Variants in AGBL1 observed in about 807,000 individuals in gnomAD.
AGBL1 encodes cytosolic carboxypeptidase 4.
Under a neutral mutation model 118.9 loss-of-function variants are expected in AGBL1, and 130 were observed. That is an observed-to-expected ratio of 1.09 (90% CI 0.95 to 1.26). AGBL1 has a LOEUF of 1.26. Ranked by LOEUF, AGBL1 falls within the 50% of genes most tolerant of loss-of-function variation. The pLI is 0.00. For missense variants in AGBL1, 1,584 were observed against 1,298.1 expected (o/e 1.22, Z -3.38); for synonymous variants, 555 against 478.9 (o/e 1.16, Z -2.08).
intron 3 of AGBL1, among the ~76,000 whole-genome samples, chr15:86,144,826 A>G (rs770336052): frequency 2.6e-5 from 4 of 152,238 alleles, no homozygotes; most frequent in Non-Finnish European, 5.9e-5. Context: ...AAAAGTTAAA[A>G]AAATAAAGTC....
chr15:86,606,478 T>C (rs1424621531), intron 21 of AGBL1, among the ~76,000 whole-genome samples: 1 of 152,178 alleles, frequency 6.6e-6, no homozygotes, highest in Non-Finnish European at 1.5e-5. Context: ...TCTGACATTA[T>C]TGGACACCTG....
chr15:86,902,772 C>G (rs372651997), intron 22 of AGBL1, among the ~76,000 whole-genome samples: 3 of 152,094 alleles, frequency 2.0e-5, no homozygotes, highest in East Asian at 3.9e-4. Context: ...ACTTTGCTGC[C>G]ATTCTAATTG....
At chr15:86,988,128 G>A (rs1013718875) in intron 24 of AGBL1, 40 of 1,599,932 alleles carry the variant, frequency 2.5e-5, no homozygotes, top group Non-Finnish European at 3.1e-5. Flanking sequence ...TGCTTGGGGC[G>A]GGGATTGCTG....
intron 17 of AGBL1, among the ~76,000 whole-genome samples, chr15:86,396,054 A>G (rs757024105): frequency 2.0e-5 from 3 of 151,314 alleles, no homozygotes; most frequent in Admixed American, 6.6e-5. Flanking sequence ...CATGTTGCTG[A>G]AAATGACAGA....
intron 17 of AGBL1, among the ~76,000 whole-genome samples, chr15:86,380,610 T>C (rs948108958): frequency 1.3e-5 from 2 of 151,416 alleles, no homozygotes; most frequent in Non-Finnish European, 2.9e-5. Flanking sequence ...TCCGTCTGTG[T>C]CATTCTCTCT....
chr15:86,528,401 T>G (rs1249926356), intron 19 of AGBL1, among the ~76,000 whole-genome samples: 8 of 152,264 alleles, frequency 5.3e-5, no homozygotes, highest in Non-Finnish European at 7.4e-5. Flanking sequence ...TTTTCAGACC[T>G]GCTTAAAAAA....
At chr15:86,469,424 A>G (rs1647885445) in intron 18 of AGBL1, among the ~76,000 whole-genome samples, 1 of 152,284 alleles carries the variant, frequency 6.6e-6, no homozygotes, top group Admixed American at 6.5e-5. Flanking sequence ...TTTTCTAAGG[A>G]TGAGTACTAT....
At chr15:86,467,495 G>A (rs1236161501) in intron 18 of AGBL1, among the ~76,000 whole-genome samples, 10 of 152,158 alleles carry the variant, frequency 6.6e-5, no homozygotes, top group Non-Finnish European at 1.3e-4. Flanking sequence ...CTCTCTCGCT[G>A]GCATTCCAGG....
At chr15:86,656,824 A>C (rs1346963700) in intron 21 of AGBL1, among the ~76,000 whole-genome samples, 1 of 152,126 alleles carries the variant, frequency 6.6e-6, no homozygotes. Context: ...TAACATGAGA[A>C]GGGTCTGTTC....
At chr15:86,560,797 A>G (rs1043456415) in intron 21 of AGBL1, among the ~76,000 whole-genome samples, 2 of 152,138 alleles carry the variant, frequency 1.3e-5, no homozygotes, top group Non-Finnish European at 2.9e-5. Flanking sequence ...CCTCTCCAGC[A>G]CCTGTTGTTT....
intron 22 of AGBL1, among the ~76,000 whole-genome samples, chr15:86,787,432 C>T (rs1218762329): frequency 6.6e-6 from 1 of 152,148 alleles, no homozygotes; most frequent in African/African-American, 2.4e-5. Context: ...TTTTCCTCCC[C>T]TCCCCTACCC....
chr15:86,477,309 G>C (rs1417080240), intron 18 of AGBL1, among the ~76,000 whole-genome samples: 1 of 151,594 alleles, frequency 6.6e-6, no homozygotes, highest in African/African-American at 2.4e-5. Flanking sequence ...TTTTTTGAAA[G>C]ATCAACAAAA....
At chr15:86,896,185 A>G (rs950838037) in intron 22 of AGBL1, among the ~76,000 whole-genome samples, 5 of 152,032 alleles carry the variant, frequency 3.3e-5, no homozygotes, top group Non-Finnish European at 7.4e-5. Flanking sequence ...TAATTTATTA[A>G]TTATTTCAAA....
At chr15:86,786,076 G>T (rs1201506493) in intron 22 of AGBL1, among the ~76,000 whole-genome samples, 2 of 152,038 alleles carry the variant, frequency 1.3e-5, no homozygotes, top group African/African-American at 4.8e-5. Flanking sequence ...TGGTTTTCTG[G>T]ATTTTTTTTG....
rs201640741 is a variant in AGBL1 at position 86,307,474 on chromosome 15, AT to A, written c.2374+12072del. Among the ~76,000 whole-genome samples, 4 of 152,050 alleles carry A rather than the reference AT, an allele frequency of 2.6e-5. No homozygotes were observed. The East Asian group carries it at 7.7e-4, about 29-fold the overall frequency. ...TTCATGGAATCTAATATAGTAGTCT[AT>A]TTTTTACACTTGTAAGCATAATGTG... On this transcript the variant is annotated intron_variant, in intron 17 of 22. Transcript: ENST00000614907.
intron 21 of AGBL1, among the ~76,000 whole-genome samples, chr15:86,639,339 A>G (rs2085154405): frequency 6.6e-6 from 1 of 152,094 alleles, no homozygotes; most frequent in South Asian, 2.1e-4. Flanking sequence ...GAAGAGCAGG[A>G]GTTTCTTTGG....
chr15:86,200,562 C>CCCCCTT (rs1491108580), intron 5 of AGBL1, among the ~76,000 whole-genome samples: 1 of 95,148 alleles, frequency 1.1e-5, no homozygotes, highest in Non-Finnish European at 2.0e-5. Context: ...CCCCCCCCCC[C>CCCCCTT]TTTTTTTTTT....
intron 16 of AGBL1, among the ~76,000 whole-genome samples, chr15:86,282,502 G>A (rs1020120275): frequency 2.6e-5 from 4 of 152,094 alleles, no homozygotes; most frequent in Non-Finnish European, 4.4e-5. Flanking sequence ...ACAAAACAGG[G>A]TTAGAAAGAC....
intron 22 of AGBL1, among the ~76,000 whole-genome samples, chr15:86,692,119 A>C (rs1487297189): frequency 6.6e-6 from 1 of 152,008 alleles, no homozygotes; most frequent in Admixed American, 6.6e-5. Flanking sequence ...CGGAGCTTGC[A>C]GTGAGCTGAC....
Sources: gnomAD v4.1 joint callset for allele counts (sites outside exome capture counted in the v4.1 genomes callset) on GRCh38, gnomAD v4.1.1 for gene constraint, MANE v1.5 for transcripts, NCBI Gene and HGNC (gene_info 2026-07-23, HGNC 2026-07-21) for gene names.